Variants in NR4A3 observed in about 807,000 individuals in gnomAD.
The protein encoded by NR4A3 is nuclear receptor subfamily 4 group A member 3, also known as chondrosarcoma, extraskeletal myxoid, fused to EWS.
Under a neutral mutation model 55.6 loss-of-function variants are expected in NR4A3, and 13 were observed. The observed-to-expected ratio is 0.23, with a 90% CI of 0.15 to 0.37. The LOEUF is 0.37. NR4A3 is among the 10% of genes least tolerant of loss of function. NR4A3 has a pLI of 1.00. For missense variants in NR4A3, 646 were observed against 822.8 expected (o/e 0.79, Z 2.63); for synonymous variants, 342 against 357.9 (o/e 0.96, Z 0.50).
At chr9:99,840,555 A>T (rs1232635955) in intron 5 of NR4A3, among the ~76,000 whole-genome samples, 1 of 152,220 alleles carries the variant, frequency 6.6e-6, no homozygotes, top group African/African-American at 2.4e-5. Flanking sequence ...ATAACATCAT[A>T]CCTGGTGTGA....
At position 99,825,736 on chromosome 9, in the gene NR4A3, G is replaced by C. The variant is rs1033419576; in HGVS notation, c.-99G>C. The stretch of plus-strand genomic sequence containing the variant: ...CTTAGCGGTGCCGGGCAGCACTGCC[G>C]GCGCTTCGCCTCGCCGGACGTCCGC... On this transcript the variant is annotated 5_prime_UTR_variant, in exon 2 of 8. Transcript: ENST00000395097. The surrounding 1 kb of genome is among the most constrained non-coding windows in gnomAD (Gnocchi z 5.0). 6.2e-6 allele frequency: 1 copy of C among 162,576 alleles called. No homozygotes were observed. The highest frequency in any genetic ancestry group is 2.4e-5 in the African/African-American group (1 of 41,730). The allele number at this position is 162,576 out of a possible 1,614,324, so 10.1% of individuals were successfully genotyped here. A position where few individuals can be genotyped will look rare whatever the true frequency, so the allele number is the denominator to read the frequency against.
rs753648433 is a variant in NR4A3 at position 99,828,333 on chromosome 9, T to TCACCACCAC, written c.312_320dup (p.His106_His108dup). ...GGCGGGCGCCCAGCTACCATCACCA[T>TCACCACCAC]CACCACCACCACCACCACCACCACC... On this transcript the variant is annotated inframe_insertion, in exon 3 of 8. Transcript: ENST00000395097. This position sits in a 1 kb window ranked among gnomAD's most constrained non-coding sequence, Gnocchi z 7.7. 8 of 1,604,944 alleles carry TCACCACCAC rather than the reference T, an allele frequency of 5.0e-6. No individual in the cohort carries two copies. Among genetic ancestry groups the TCACCACCAC allele is most frequent in the Non-Finnish European group, 6.8e-6 (8 of 1,176,462 alleles).
At chr9:99,827,676 T>C (rs1827328762) in intron 2 of NR4A3, among the ~76,000 whole-genome samples, 1 of 152,206 alleles carries the variant, frequency 6.6e-6, no homozygotes, top group Non-Finnish European at 1.5e-5. Flanking sequence ...TCCCCCTAGG[T>C]TATAGCTGAG....
In NR4A3 at chr9:99,864,050, G is replaced by T; in HGVS notation, c.*183G>T. 1 of 651,210 alleles carries T rather than the reference G, an allele frequency of 1.5e-6. No individual in the cohort carries two copies. Among genetic ancestry groups the T allele is most frequent in the Non-Finnish European group, 2.5e-6 (1 of 393,714 alleles). 40.3% of individuals were successfully genotyped at this position (651,210 alleles called of 1,614,324 possible). On this transcript the variant is annotated 3_prime_UTR_variant, in exon 8 of 8. Coordinates refer to ENST00000395097, the MANE Select transcript of NR4A3 (RefSeq NM_006981.4). ...CTTACAACCTAAAGCCAGAAAACTT[G>T]CAGAGTATTGTGTTGGGGTTGTGTT...
At position 99,828,565 on chromosome 9, in the gene NR4A3, C is replaced by G. The variant is rs749349706; in HGVS notation, c.523C>G (p.Pro175Ala). 6.4e-7 allele frequency: 1 copy of G among 1,568,902 alleles called. No homozygotes were observed. The highest frequency in any genetic ancestry group is 1.4e-5 in the African/African-American group (1 of 73,398). The change falls in exon 3 of 8, where the codon CCG becomes GCG. Residue 175 changes from proline (P) to alanine (A), a missense_variant. This residue lies in a region of NR4A3 where 426 missense variants were observed against 429.4 expected (regional missense o/e 0.99). Coordinates refer to ENST00000395097, the MANE Select transcript of NR4A3 (RefSeq NM_006981.4). The surrounding 1 kb of genome is among the most constrained non-coding windows in gnomAD (Gnocchi z 7.7). ...CATCGCACCCGGCCCGCTGCTGGACCCGCCGATGAAGGCGGTCCCCACGGT... is the reference window on the plus strand; with the variant it reads ...CATCGCACCCGGCCCGCTGCTGGACGCGCCGATGAAGGCGGTCCCCACGGT... ...GCIAPGPLLD[P>A]PMKAVPTVAG... is the part of the protein sequence containing the mutation.
At chr9:99,848,557 C>A (rs1827795418) in intron 7 of NR4A3, among the ~76,000 whole-genome samples, 1 of 152,188 alleles carries the variant, frequency 6.6e-6, no homozygotes, top group African/African-American at 2.4e-5. Flanking sequence ...GCTGGCCAGG[C>A]TGGTCTCGAA....
Position 99,844,865 on chromosome 9 carries a change from T to A in NR4A3, c.1454+17T>A. ...TTCCATCAGGTAATTACTACTATTTTATCTTCAGTCTACGTCCTTTGAAGA... is the reference window on the plus strand; with the variant it reads ...TTCCATCAGGTAATTACTACTATTTAATCTTCAGTCTACGTCCTTTGAAGA... On this transcript the variant is annotated intron_variant, in intron 6 of 7. Coordinates refer to ENST00000395097, the MANE Select transcript of NR4A3 (RefSeq NM_006981.4). 1 of 1,589,110 alleles carries A rather than the reference T, an allele frequency of 6.3e-7. No individual in the cohort carries two copies. Among genetic ancestry groups the A allele is most frequent in the Non-Finnish European group, 8.6e-7 (1 of 1,157,382 alleles).
intron 3 of NR4A3, 57 bp downstream of exon 3, chr9:99,829,050 C>T: frequency 7.7e-7 from 1 of 1,297,962 alleles, no homozygotes; most frequent in Non-Finnish European, 9.8e-7. Flanking sequence ...AAGGGAGCTT[C>T]TAAGTGAGTG....
chr9:99,827,355 A>T (rs971004943), intron 2 of NR4A3, among the ~76,000 whole-genome samples: 2 of 151,872 alleles, frequency 1.3e-5, no homozygotes, highest in Non-Finnish European at 2.9e-5. Context: ...CAGATGGTAC[A>T]AACTCTCCCG....
At chr9:99,838,944 A>C (rs1415043866) in intron 5 of NR4A3, among the ~76,000 whole-genome samples, 1 of 152,222 alleles carries the variant, frequency 6.6e-6, no homozygotes, top group Non-Finnish European at 1.5e-5. Flanking sequence ...ATAGAGATAT[A>C]AATTTTCCTG....
intron 2 of NR4A3, among the ~76,000 whole-genome samples, chr9:99,827,268 G>GTA (rs1827315914): frequency 1.6e-5 from 2 of 128,310 alleles, no homozygotes; most frequent in Admixed American, 1.6e-4. Context: ...ATGTGTGTGT[G>GTA]TGTGTGTGTG....
In NR4A3 at chr9:99,838,083, T is replaced by C. The variant is rs1827591260; in HGVS notation, c.1254+4629T>C. ...TGTACATCAGTGCAGTCAAAACATG[T>C]CACGTTTGATTTGTCTCTCCTCAAA... is the stretch of plus-strand genomic sequence containing the variant. On this transcript the variant is annotated intron_variant, in intron 5 of 7. Transcript: ENST00000395097. 2.0e-5 allele frequency among the ~76,000 whole-genome samples: 3 copies of C among 152,208 alleles called. No individual in the cohort carries two copies. In the South Asian group the frequency reaches 6.2e-4, roughly 32 times the overall value.
chr9:99,845,572 T>C (rs1272272061), intron 6 of NR4A3, among the ~76,000 whole-genome samples: 1 of 152,184 alleles, frequency 6.6e-6, no homozygotes, highest in African/African-American at 2.4e-5. Flanking sequence ...TAGGAGATGA[T>C]ACCAACTTTT....
chr9:99,822,691 T>C lies in NR4A3; in HGVS notation c.-177+284T>C, dbSNP rs1428884526. On this transcript the variant is annotated intron_variant, in intron 1 of 7. Transcript: ENST00000395097. The surrounding 1 kb of genome is among the most constrained non-coding windows in gnomAD (Gnocchi z 4.9). ...GGACCGGGATTTGTGCTATAGCGGC[T>C]CCAGCGATGTAATTCAGGGTATTTC... Among the ~76,000 whole-genome samples, 1 of 152,102 alleles carries C rather than the reference T, an allele frequency of 6.6e-6. No individual in the cohort carries two copies. The highest frequency in any genetic ancestry group is 1.5e-5 in the Non-Finnish European group (1 of 68,020).
At position 99,828,142 on chromosome 9, in the gene NR4A3, G is replaced by C. The variant is rs1355827304; in HGVS notation, c.100G>C (p.Asp34His). 1 of 1,613,866 alleles carries C rather than the reference G, an allele frequency of 6.2e-7. No homozygotes were observed. Among genetic ancestry groups the C allele is most frequent in the Non-Finnish European group, 8.5e-7 (1 of 1,179,982 alleles). Residue 34 changes from aspartate (D) to histidine (H), a missense_variant, in exon 3 of 8, where the codon GAC (aspartate) becomes CAC (histidine). Asp to His is a moderately conservative substitution (Grantham distance 81). This residue lies in a region of NR4A3 where 426 missense variants were observed against 429.4 expected (regional missense o/e 0.99). Transcript: ENST00000395097. This position sits in a 1 kb window ranked among gnomAD's most constrained non-coding sequence, Gnocchi z 7.7. The stretch of plus-strand genomic sequence containing the variant: ...ATACACCACGGAGATCATGAACCCC[G>C]ACTACACCAAGCTGACCATGGACCT... ...SEYTTEIMNP[D>H]YTKLTMDLGS...
chr9:99,851,928 G>A (rs753563719), intron 7 of NR4A3, among the ~76,000 whole-genome samples: 10 of 152,184 alleles, frequency 6.6e-5, no homozygotes, highest in Admixed American at 3.9e-4. Context: ...TATGTACCAA[G>A]CATTGTACCA....
rs1827188375 is a variant in NR4A3, at chr9:99,822,053, C to T, written c.-531C>T. The T allele has an allele frequency of 6.5e-6, 1 of 153,092 alleles. No individual in the cohort carries two copies. Among genetic ancestry groups the T allele is most frequent in the East Asian group, 1.9e-4 (1 of 5,180 alleles). The allele number at this position is 153,092 out of a possible 1,614,324, so 9.5% of individuals were successfully genotyped here. A position where few individuals can be genotyped will look rare whatever the true frequency, so the allele number is the denominator to read the frequency against. ...CACACACTTCGCTCTCCCGCGCGCT[C>T]ACACCCCTCTTGCCCTGAGCCCTTG... On this transcript the variant is annotated 5_prime_UTR_variant, in exon 1 of 8. Transcript: ENST00000395097. This position sits in a 1 kb window ranked among gnomAD's most constrained non-coding sequence, Gnocchi z 4.9.
At chr9:99,829,069 TC>T (rs1412045278) in intron 3 of NR4A3, 76 bp downstream of exon 3, 3 of 1,250,768 alleles carry the variant, frequency 2.4e-6, no homozygotes, top group African/African-American at 3.1e-5. Flanking sequence ...TGTAGGAGCA[TC>T]CTTGTTCTTC....
chr9:99,823,745 C>T (rs1390288125), intron 1 of NR4A3, among the ~76,000 whole-genome samples: 3 of 152,072 alleles, frequency 2.0e-5, no homozygotes, highest in Non-Finnish European at 4.4e-5. Context: ...CCCCCACCCC[C>T]CGGCACCCAT....
Sources: gnomAD v4.1 joint callset for allele counts (sites outside exome capture counted in the v4.1 genomes callset) on GRCh38, gnomAD v4.1.1 for gene constraint, gnomAD v4.1.1 regional missense constraint, Gnocchi (gnomAD v3.1) non-coding constraint, MANE v1.5 for transcripts, NCBI Gene and HGNC (gene_info 2026-07-23, HGNC 2026-07-21) for gene names.